Variants in TM9SF2 observed in about 807,000 individuals in gnomAD.
The protein encoded by TM9SF2 is transmembrane 9 superfamily member 2.
TM9SF2 carries 13 observed loss-of-function variants against 84.9 expected under a neutral mutation model. That is an observed-to-expected ratio of 0.15 (90% CI 0.10 to 0.24). The LOEUF (loss-of-function observed/expected upper bound fraction) is 0.24. TM9SF2 is among the 10% of genes least tolerant of loss of function. The pLI is 1.00. For synonymous variants in TM9SF2, 273 were observed against 285.8 expected (o/e 0.96, Z 0.45); for missense variants, 562 against 818.5 (o/e 0.69, Z 3.82).
chr13:99,552,397 A>T, intron 13 of TM9SF2, 71 bp downstream of exon 13: 2 of 1,450,048 alleles, frequency 1.4e-6, no homozygotes, highest in Non-Finnish European at 1.9e-6. Flanking sequence ...ATCTCAAAAG[A>T]TACCATAAAA....
chr13:99,512,201 T>C (rs2046116320), intron 1 of TM9SF2, among the ~76,000 whole-genome samples: 1 of 152,250 alleles, frequency 6.6e-6, no homozygotes, highest in Non-Finnish European at 1.5e-5. Flanking sequence ...TTCTTTAAGA[T>C]AATAGATTAC....
chr13:99,546,962 G>A, intron 10 of TM9SF2, 23 bp from the exon 11 acceptor site: 1 of 1,614,058 alleles, frequency 6.2e-7, no homozygotes, highest in Non-Finnish European at 8.5e-7. Flanking sequence ...AACATGTACA[G>A]CCTTTCACGA....
intron 3 of TM9SF2, among the ~76,000 whole-genome samples, chr13:99,525,024 T>G (rs1366001877): frequency 2.0e-5 from 3 of 151,846 alleles, no homozygotes; most frequent in African/African-American, 7.3e-5. Flanking sequence ...CACTGATGGG[T>G]CAGGTGAGAT....
At chr13:99,525,152 A>G (rs151133711) in intron 3 of TM9SF2, among the ~76,000 whole-genome samples, 12 of 152,330 alleles carry the variant, frequency 7.9e-5, no homozygotes, top group African/African-American at 2.6e-4. Flanking sequence ...AGGTGGACAC[A>G]TCTACAACTG....
chr13:99,537,656 T>G, intron 5 of TM9SF2, 83 bp from the exon 6 acceptor site: 1 of 1,108,052 alleles, frequency 9.0e-7, no homozygotes, highest in South Asian at 1.8e-5. Context: ...TTTTCTTACT[T>G]GTTGTAGCCC....
chr13:99,563,097 A>G lies in TM9SF2; in HGVS notation c.*339A>G, dbSNP rs770364160. The stretch of plus-strand genomic sequence containing the variant: ...GAGGCCATATTAAATAATACTGATG[A>G]AAGGCAGGACACTGCATTGTAAATA... On this transcript the variant is annotated 3_prime_UTR_variant, in exon 17 of 17. Coordinates refer to ENST00000376387, the MANE Select transcript of TM9SF2 (RefSeq NM_004800.3). The G allele has an allele frequency of 2.2e-5, 4 of 181,514 alleles. No individual in the cohort carries two copies. Among genetic ancestry groups the G allele is most frequent in the Non-Finnish European group, 4.6e-5 (4 of 87,458 alleles). The allele number at this position is 181,514 out of a possible 1,614,324, so 11.2% of individuals were successfully genotyped here.
intron 1 of TM9SF2, among the ~76,000 whole-genome samples, chr13:99,507,406 C>T (rs2046093371): frequency 6.6e-6 from 1 of 152,202 alleles, no homozygotes; most frequent in Non-Finnish European, 1.5e-5. Flanking sequence ...CTCTGTCACC[C>T]AGGCTAGAGT....
chr13:99,522,308 A>G (rs1372753005), intron 3 of TM9SF2, among the ~76,000 whole-genome samples: 2 of 152,230 alleles, frequency 1.3e-5, no homozygotes, highest in Non-Finnish European at 2.9e-5. Flanking sequence ...GGCATGAGCC[A>G]CCATGCCCGG....
chr13:99,528,055 A>G (rs1399425016), intron 3 of TM9SF2, among the ~76,000 whole-genome samples: 4 of 152,244 alleles, frequency 2.6e-5, no homozygotes, highest in African/African-American at 9.6e-5. Context: ...GTTTTCCCGA[A>G]TAGAAACAGA....
intron 4 of TM9SF2, among the ~76,000 whole-genome samples, chr13:99,535,266 C>A (rs1239105936): frequency 1.3e-5 from 2 of 152,066 alleles, no homozygotes. Context: ...ATAAATGATA[C>A]ATTTAGGATG....
intron 16 of TM9SF2, among the ~76,000 whole-genome samples, chr13:99,560,960 C>T (rs923049452): frequency 2.6e-5 from 4 of 152,208 alleles, no homozygotes; most frequent in African/African-American, 9.6e-5. Context: ...TCGGATTGGG[C>T]GTGAGCCACT....
rs766172066 is a variant in TM9SF2, at chr13:99,544,019, A to G, written c.1150+24A>G. ...ATGTAAGTGTTAACTGAAAATTTTC[A>G]AGTAGAAAATACTTTCTAAATACAG... On this transcript the variant is annotated intron_variant, in intron 10 of 16. Coordinates refer to ENST00000376387, the MANE Select transcript of TM9SF2 (RefSeq NM_004800.3). The G allele has an allele frequency of 1.9e-6, 3 of 1,609,354 alleles. No homozygotes were observed. The African/African-American group carries it at 4.0e-5, about 22-fold the overall frequency.
intron 1 of TM9SF2, among the ~76,000 whole-genome samples, chr13:99,502,966 C>T (rs1335099966): frequency 6.6e-6 from 1 of 152,116 alleles, no homozygotes; most frequent in African/African-American, 2.4e-5. Context: ...CATGTTTATA[C>T]ATCTGTGCAA....
Position 99,562,903 on chromosome 13 carries a change from C to G in TM9SF2, c.*145C>G, listed in dbSNP as rs777556392. On this transcript the variant is annotated 3_prime_UTR_variant, in exon 17 of 17. Coordinates refer to ENST00000376387, the MANE Select transcript of TM9SF2 (RefSeq NM_004800.3). ...CCGTAATTCTAAATAAACCTCTTCC[C>G]ATACACCTTTCCCCCATAAGATGTG... 14 of 664,474 alleles carry G rather than the reference C, an allele frequency of 2.1e-5. No individual in the cohort carries two copies. The East Asian group carries it at 3.3e-4, about 16-fold the overall frequency. The allele number at this position is 664,474 out of a possible 1,614,324, so 41.2% of individuals were successfully genotyped here.
intron 1 of TM9SF2, among the ~76,000 whole-genome samples, chr13:99,508,550 T>C (rs1193524696): frequency 6.6e-6 from 1 of 151,976 alleles, no homozygotes; most frequent in South Asian, 2.1e-4. Flanking sequence ...AAGAAATACC[T>C]GAGACTGGGT....
rs578121974 is a variant in TM9SF2, at chr13:99,510,795, C to T, written c.172-6819C>T. Among the ~76,000 whole-genome samples, 62 of 152,262 alleles carry T rather than the reference C, an allele frequency of 4.1e-4. 1 individual carries two copies. The South Asian group carries it at 0.01, about 25-fold the overall frequency. The stretch of plus-strand genomic sequence containing the variant: ...ACAAGGACATATATTCAAACACATG[C>T]GTTGTGTTTCCATCTGGATTATAAA... On this transcript the variant is annotated intron_variant, in intron 1 of 16. Coordinates refer to ENST00000376387, the MANE Select transcript of TM9SF2 (RefSeq NM_004800.3).
intron 10 of TM9SF2, among the ~76,000 whole-genome samples, chr13:99,546,525 G>C (rs1221872988): frequency 6.6e-6 from 1 of 151,262 alleles, no homozygotes; most frequent in Non-Finnish European, 1.5e-5. Flanking sequence ...TCTTTCATTA[G>C]ATTATATATG....
rs918332261 is a variant in TM9SF2 at position 99,533,520 on chromosome 13, A to G, written c.462-3088A>G. 2.2e-4 allele frequency among the ~76,000 whole-genome samples: 34 copies of G among 152,364 alleles called. 1 individual carries two copies. The highest frequency in any genetic ancestry group is 9.8e-4 in the Admixed American group (15 of 15,312). ...ATCTATAACCTCCTCCGTCTTTTCCATAATTTCATAATTCACTGCATGAAT... is the reference window on the plus strand; with the variant it reads ...ATCTATAACCTCCTCCGTCTTTTCCGTAATTTCATAATTCACTGCATGAAT... On this transcript the variant is annotated intron_variant, in intron 4 of 16. Transcript: ENST00000376387.
chr13:99,525,360 G>A (rs1280855774), intron 3 of TM9SF2, among the ~76,000 whole-genome samples: 1 of 152,030 alleles, frequency 6.6e-6, no homozygotes, highest in East Asian at 1.9e-4. Flanking sequence ...TCTTGCCTTA[G>A]CCTCCCGAGC....
Sources: gnomAD v4.1 joint callset for allele counts (sites outside exome capture counted in the v4.1 genomes callset) on GRCh38, gnomAD v4.1.1 for gene constraint, MANE v1.5 for transcripts, NCBI Gene and HGNC (gene_info 2026-07-23, HGNC 2026-07-21) for gene names.